The following SNTG1 variants were observed in gnomAD, a reference collection of about 807,000 sequenced individuals.
SNTG1 encodes the protein syntrophin gamma 1, also known as gamma-1-syntrophin.
SNTG1 carries 39 observed loss-of-function variants against 74.7 expected under a neutral mutation model. That is an observed-to-expected ratio of 0.52 (90% CI 0.40 to 0.68). The LOEUF (loss-of-function observed/expected upper bound fraction) is 0.68, where lower values mean the gene tolerates loss of function less well. Ranked by LOEUF, SNTG1 falls within the 30% of genes least tolerant of loss-of-function variation. The probability of loss-of-function intolerance (pLI) is 0.00; values close to 1 mark genes in which losing one functional copy is unlikely to be tolerated. For synonymous variants in SNTG1, 254 were observed against 217.1 expected, an observed-to-expected ratio of 1.17 and a Z score of -1.49; for missense variants, 685 against 609.5, an observed-to-expected ratio of 1.12 and a Z score of -1.30.
At chr8:50,095,130 A>G (rs2079879305) in intron 1 of SNTG1, among the ~76,000 whole-genome samples, 1 of 152,140 alleles carries the variant, frequency 6.6e-6, no homozygotes, top group Non-Finnish European at 1.5e-5. Flanking sequence ...AAAAGACGGG[A>G]GCAATAAACG....
At chr8:49,943,213 A>T (rs1486340041) in intron 1 of SNTG1, among the ~76,000 whole-genome samples, 1 of 152,192 alleles carries the variant, frequency 6.6e-6, no homozygotes, top group Non-Finnish European at 1.5e-5. Context: ...TTGCCAAAGG[A>T]CACACACCCA....
chr8:50,624,519 G>A lies in SNTG1; in HGVS notation c.850-32390G>A, dbSNP rs538135423. On this transcript the variant is annotated intron_variant, in intron 13 of 18. Coordinates refer to ENST00000642720, the MANE Select transcript of SNTG1 (RefSeq NM_018967.5). ...ATGGAATTTGGTACTTGAAATTCTC[G>A]AGAGAATGAAGCCAATTCCAGCTAA... is the stretch of plus-strand genomic sequence containing the variant. Among the ~76,000 whole-genome samples, 344 of 152,088 alleles carry A rather than the reference G, an allele frequency of 2.3e-3. 1 individual carries two copies. Among genetic ancestry groups the A allele is most frequent in the African/African-American group, 7.1e-3 (295 of 41,504 alleles).
intron 2 of SNTG1, among the ~76,000 whole-genome samples, chr8:50,258,077 T>C (rs4873141): frequency 0.27 from 41,508 of 152,116 alleles, 5,694 homozygotes; most frequent in Middle Eastern, 0.37. Flanking sequence ...AAAACAGACT[T>C]CGCTGAACAA....
chr8:50,770,435 C>A lies in SNTG1; in HGVS notation c.1395+18324C>A, dbSNP rs148869847. On this transcript the variant is annotated intron_variant, in intron 18 of 18. Transcript: ENST00000642720. Reference sequence around the variant, plus strand: ...TATATTCCTACTACCCTGTCCAGACCACCACTGTGACCTCGAAAATATGCA... The same window carrying A: ...TATATTCCTACTACCCTGTCCAGACAACCACTGTGACCTCGAAAATATGCA... 2.9e-3 allele frequency among the ~76,000 whole-genome samples: 437 copies of A among 152,092 alleles called. 1 individual carries two copies. The highest frequency in any genetic ancestry group is 0.01 in the African/African-American group (422 of 41,494).
intron 1 of SNTG1, among the ~76,000 whole-genome samples, chr8:49,966,731 T>G (rs1460766200): frequency 6.6e-6 from 1 of 152,158 alleles, no homozygotes; most frequent in African/African-American, 2.4e-5. Context: ...ATATTTAACC[T>G]ATGGAAATAA....
intron 2 of SNTG1, among the ~76,000 whole-genome samples, chr8:50,250,290 G>A (rs2086591010): frequency 6.6e-6 from 1 of 151,562 alleles, no homozygotes; most frequent in African/African-American, 2.4e-5. Context: ...AAGGAAAGAA[G>A]AATGAAAAAG....
chr8:50,746,980 C>CT (rs549627843), intron 17 of SNTG1, among the ~76,000 whole-genome samples: 29 of 150,538 alleles, frequency 1.9e-4, no homozygotes, highest in African/African-American at 6.8e-4. Context: ...TGCAAGTTTA[C>CT]TTTTTTTTAG....
At chr8:50,398,859 G>T (rs545989000) in intron 3 of SNTG1, among the ~76,000 whole-genome samples, 2 of 152,294 alleles carry the variant, frequency 1.3e-5, no homozygotes, top group East Asian at 3.9e-4. Context: ...GAACCCAGGA[G>T]GCAGAGATTG....
At chr8:50,650,352 A>G (rs917486892) in intron 13 of SNTG1, among the ~76,000 whole-genome samples, 2 of 152,042 alleles carry the variant, frequency 1.3e-5, no homozygotes, top group African/African-American at 2.4e-5. Flanking sequence ...ATAAAGAATG[A>G]TTTAAATGTA....
At chr8:49,912,602 A>G (rs1305822454) in intron 1 of SNTG1, among the ~76,000 whole-genome samples, 2 of 152,224 alleles carry the variant, frequency 1.3e-5, no homozygotes, top group African/African-American at 4.8e-5. Flanking sequence ...CAAGACTAAA[A>G]AAGTTAAAAT....
chr8:50,473,979 T>C (rs2093674664), intron 8 of SNTG1, among the ~76,000 whole-genome samples: 1 of 151,952 alleles, frequency 6.6e-6, no homozygotes, highest in African/African-American at 2.4e-5. Flanking sequence ...TTTTTTTTTC[T>C]TTTCCCCACT....
At chr8:50,065,650 T>C (rs1360750561) in intron 1 of SNTG1, among the ~76,000 whole-genome samples, 1 of 152,200 alleles carries the variant, frequency 6.6e-6, no homozygotes, top group East Asian at 1.9e-4. Context: ...TTTCAGAACA[T>C]TTAACCACTG....
intron 2 of SNTG1, among the ~76,000 whole-genome samples, chr8:50,322,343 G>T (rs777574779): frequency 6.6e-6 from 1 of 152,060 alleles, no homozygotes; most frequent in South Asian, 2.1e-4. Flanking sequence ...AGCACTTTAA[G>T]TATACCATGT....
intron 2 of SNTG1, among the ~76,000 whole-genome samples, chr8:50,313,782 G>T (rs886151102): frequency 8.7e-5 from 13 of 149,850 alleles, no homozygotes; most frequent in African/African-American, 2.7e-4. Flanking sequence ...ACAATGTAAA[G>T]AATTGACAGT....
At chr8:50,249,600 T>A (rs1431610664) in intron 2 of SNTG1, among the ~76,000 whole-genome samples, 2 of 152,192 alleles carry the variant, frequency 1.3e-5, no homozygotes, top group East Asian at 1.9e-4. Flanking sequence ...AAAATTTGAC[T>A]TCCATGCCTG....
At chr8:50,188,643 T>C (rs558060258) in intron 2 of SNTG1, among the ~76,000 whole-genome samples, 11 of 152,252 alleles carry the variant, frequency 7.2e-5, no homozygotes, top group Admixed American at 3.9e-4. Flanking sequence ...AAGGTGTGCC[T>C]GAGTCCACTC....
chr8:50,753,361 T>G (rs2095572362), intron 18 of SNTG1, among the ~76,000 whole-genome samples: 1 of 152,030 alleles, frequency 6.6e-6, no homozygotes, highest in Non-Finnish European at 1.5e-5. Flanking sequence ...TTTCTTAATC[T>G]TTCAAAGCAC....
At chr8:50,400,028 G>T (rs1057389834) in intron 3 of SNTG1, among the ~76,000 whole-genome samples, 1 of 152,186 alleles carries the variant, frequency 6.6e-6, no homozygotes, top group East Asian at 1.9e-4. Context: ...GAGGGCAAAA[G>T]AGTGTGCATC....
chr8:49,910,359 A>G (rs910396148), upstream of SNTG1, among the ~76,000 whole-genome samples: 2 of 148,270 alleles, frequency 1.3e-5, no homozygotes, highest in African/African-American at 5.0e-5. Flanking sequence ...TCTCATGTCT[A>G]TCAATAACCT....
Sources: gnomAD v4.1 joint callset for allele counts (sites outside exome capture counted in the v4.1 genomes callset) on GRCh38, gnomAD v4.1.1 for gene constraint, MANE v1.5 for transcripts, NCBI Gene and HGNC (gene_info 2026-07-23, HGNC 2026-07-21) for gene names.